The following MMP24 variants were observed in gnomAD, a reference collection of about 807,000 sequenced individuals.
MMP24 encodes matrix metallopeptidase 24.
MMP24 carries 25 observed loss-of-function variants against 62.8 expected under a neutral mutation model. The observed-to-expected ratio is 0.40, with a 90% CI of 0.29 to 0.56. The LOEUF is 0.56. Among genes scored for constraint, MMP24 ranks in the 20% least tolerant of loss-of-function variants. The pLI is 0.50. For missense variants in MMP24, 634 were observed against 853.6 expected (o/e 0.74, Z 3.21); for synonymous variants, 319 against 350.5 (o/e 0.91, Z 1.00).
intron 4 of MMP24, among the ~76,000 whole-genome samples, chr20:35,258,138 C>G (rs758810802): frequency 1.3e-5 from 2 of 152,158 alleles, no homozygotes; most frequent in Non-Finnish European, 2.9e-5. Flanking sequence ...CAATTATCAA[C>G]GTTGTGGCAT....
chr20:35,272,948 C>G (rs534376798), intron 8 of MMP24, among the ~76,000 whole-genome samples: 1 of 152,306 alleles, frequency 6.6e-6, no homozygotes, highest in South Asian at 2.1e-4. Context: ...TATATTTTAG[C>G]TGCTATCGTC....
At position 35,247,058 on chromosome 20, in the gene MMP24, C is replaced by T. The variant is rs1458372987; in HGVS notation, c.395+70C>T. On this transcript the variant is annotated intron_variant, in intron 2 of 8. Coordinates refer to ENST00000246186, the MANE Select transcript of MMP24 (RefSeq NM_006690.4). ...ACATTTGGGTTCACATTTGTCATGG[C>T]CTGTGTACACCCCATGCCCATCCTC... The T allele has an allele frequency of 4.5e-6, 7 of 1,540,108 alleles. No individual in the cohort carries two copies. The African/African-American group carries it at 6.8e-5, about 15-fold the overall frequency.
intron 1 of MMP24, among the ~76,000 whole-genome samples, chr20:35,239,558 C>T (rs997043140): frequency 3.9e-5 from 6 of 152,150 alleles, no homozygotes; most frequent in Non-Finnish European, 8.8e-5. Flanking sequence ...CTGTGGCTCA[C>T]GCCTGTAATC....
rs745414807 is a variant in MMP24 at position 35,274,096 on chromosome 20, G to A, written c.1601-176G>A. On this transcript the variant is annotated intron_variant, in intron 8 of 8. Transcript: ENST00000246186. This position sits in a 1 kb window ranked among gnomAD's most constrained non-coding sequence, Gnocchi z 5.1. ...TGACAGGCGGACCACTCCAGGTCCCGGGTGCCCCCCTCTGCAGCTTCTTAC... is the reference window on the plus strand; with the variant it reads ...TGACAGGCGGACCACTCCAGGTCCCAGGTGCCCCCCTCTGCAGCTTCTTAC... Among the ~76,000 whole-genome samples, 6 of 152,104 alleles carry A rather than the reference G, an allele frequency of 3.9e-5. No individual in the cohort carries two copies. The highest frequency in any genetic ancestry group is 2.1e-4 in the South Asian group (1 of 4,818).
At chr20:35,246,638 C>T (rs1488495768) in intron 1 of MMP24, among the ~76,000 whole-genome samples, 1 of 152,080 alleles carries the variant, frequency 6.6e-6, no homozygotes, top group African/African-American at 2.4e-5. Flanking sequence ...ATGTTTCTAG[C>T]AGGAGGGGAC....
chr20:35,235,971 C>T (rs2060460977), intron 1 of MMP24: 1 of 152,362 alleles, frequency 6.6e-6, no homozygotes, highest in African/African-American at 2.4e-5. Context: ...CCCAAAACCC[C>T]AAATGTGCCA....
chr20:35,235,437 T>C (rs2060458229), intron 1 of MMP24, among the ~76,000 whole-genome samples: 1 of 152,096 alleles, frequency 6.6e-6, no homozygotes, highest in African/African-American at 2.4e-5. Context: ...GGCTCACACT[T>C]GTAATCCCAG....
intron 1 of MMP24, among the ~76,000 whole-genome samples, chr20:35,242,514 A>G (rs993482277): frequency 1.3e-4 from 20 of 152,178 alleles, no homozygotes; most frequent in Non-Finnish European, 2.8e-4. Context: ...TGGGAGAAAG[A>G]CAAAAAGGGA....
rs774602303 is a variant in MMP24, at chr20:35,274,611, C to A, written c.*2C>A. On this transcript the variant is annotated 3_prime_UTR_variant, in exon 9 of 9. Coordinates refer to ENST00000246186, the MANE Select transcript of MMP24 (RefSeq NM_006690.4). The surrounding 1 kb of genome is among the most constrained non-coding windows in gnomAD (Gnocchi z 5.1). ...CGGCCAGTCCAGGAATGGGTGTGAG[C>A]AGCCCAGAGCCCTCTCTATCCACTT... 6 of 1,596,148 alleles carry A rather than the reference C, an allele frequency of 3.8e-6. No homozygotes were observed. Among genetic ancestry groups the A allele is most frequent in the Non-Finnish European group, 8.5e-7 (1 of 1,170,288 alleles).
rs368746640 is a variant in MMP24, at chr20:35,267,345, G to C, written c.1120G>C (p.Gly374Arg). 2.0e-5 allele frequency: 31 copies of C among 1,584,316 alleles called. No individual in the cohort carries two copies. The highest frequency in any genetic ancestry group is 2.7e-5 in the Non-Finnish European group (31 of 1,165,996). ...PPLGDRPSTP[G>R]TKPNICDGNF... Reference sequence around the variant, plus strand: ...CCTCGGGGACCGGCCATCCACACCAGGCACCAAACCCAACATCTGTGACGG... The same window carrying C: ...CCTCGGGGACCGGCCATCCACACCACGCACCAAACCCAACATCTGTGACGG... Residue 374 changes from glycine (G) to arginine (R), a missense_variant, in exon 6 of 9, where the codon GGC (glycine) becomes CGC (arginine). Coordinates refer to ENST00000246186, the MANE Select transcript of MMP24 (RefSeq NM_006690.4).
chr20:35,254,438 C>T lies in MMP24; in HGVS notation c.513-12C>T, dbSNP rs746256806. The T allele has an allele frequency of 4.4e-6, 7 of 1,606,802 alleles. No homozygotes were observed. Among genetic ancestry groups the T allele is most frequent in the Middle Eastern group, 1.7e-4 (1 of 6,018 alleles). On this transcript the variant is annotated splice_polypyrimidine_tract_variant and intron_variant, in intron 3 of 8. Transcript: ENST00000246186. ...TCTGATCTTGCCTAATGATCCTCCC[C>T]TCTCTCACCAGCATTCACAACTATA...
chr20:35,274,663 C>T lies in MMP24; in HGVS notation c.*54C>T. The T allele has an allele frequency of 6.9e-7, 1 of 1,448,574 alleles. No homozygotes were observed. Among genetic ancestry groups the T allele is most frequent in the Non-Finnish European group, 9.3e-7 (1 of 1,069,724 alleles). 89.7% of individuals were successfully genotyped at this position (1,448,574 alleles called of 1,614,324 possible). A position where few individuals can be genotyped will look rare whatever the true frequency, so the allele number is the denominator to read the frequency against. On this transcript the variant is annotated 3_prime_UTR_variant, in exon 9 of 9. Coordinates refer to ENST00000246186, the MANE Select transcript of MMP24 (RefSeq NM_006690.4). This position sits in a 1 kb window ranked among gnomAD's most constrained non-coding sequence, Gnocchi z 5.1. ...GTCTGGCCAGCCAGGCCCTTCCTCA[C>T]CAGGGTCTGAGGGGCAGCTCTGGCC...
At chr20:35,268,013 G>A (rs935924102) in intron 6 of MMP24, 1 of 152,876 alleles carries the variant, frequency 6.5e-6, no homozygotes, top group African/African-American at 2.4e-5. Flanking sequence ...TTCGATTAGA[G>A]AGTACTTTCA....
At chr20:35,255,751 C>T (rs1434792758) in intron 4 of MMP24, among the ~76,000 whole-genome samples, 30 of 152,188 alleles carry the variant, frequency 2.0e-4, no homozygotes, top group Admixed American at 1.9e-3. Flanking sequence ...CAACTACTGG[C>T]TATGTGATAC....
rs2060666738 is a variant in MMP24, at chr20:35,271,129, A to T, written c.1334-440A>T. On this transcript the variant is annotated intron_variant, in intron 7 of 8. Coordinates refer to ENST00000246186, the MANE Select transcript of MMP24 (RefSeq NM_006690.4). The surrounding 1 kb of genome is among the most constrained non-coding windows in gnomAD (Gnocchi z 4.0). ...ACTCCCTGTTGGGGACCTGGGAGGC[A>T]GAAGGTGATGAGGAGGGAGCCCCTC... Among the ~76,000 whole-genome samples, 1 of 152,186 alleles carries T rather than the reference A, an allele frequency of 6.6e-6. No individual in the cohort carries two copies.
chr20:35,231,388 C>T (rs80338614), intron 1 of MMP24, among the ~76,000 whole-genome samples: 1,661 of 152,244 alleles, frequency 0.011, 44 homozygotes, highest in African/African-American at 0.038. Flanking sequence ...GAAGCACCAA[C>T]GTATTCCCAA....
intron 1 of MMP24, among the ~76,000 whole-genome samples, chr20:35,229,054 G>A (rs2060426986): frequency 6.6e-6 from 1 of 152,066 alleles, no homozygotes; most frequent in South Asian, 2.1e-4. Context: ...CCTTTTCCTG[G>A]GTCAAAACTG....
chr20:35,244,680 T>C (rs1048257804), intron 1 of MMP24, among the ~76,000 whole-genome samples: 5 of 152,192 alleles, frequency 3.3e-5, no homozygotes, highest in East Asian at 1.9e-4. Flanking sequence ...CCTCAGGTGA[T>C]CCACCCACCT....
chr20:35,254,555 G>A lies in MMP24; in HGVS notation c.618G>A (p.Val206=). ...QKVTPLTFEE[V]PYHEIKSDRK... ...TGACCCCACTGACCTTTGAAGAGGT[G>A]CCATACCATGAGATCAAAAGTGACC... is the stretch of plus-strand genomic sequence containing the variant. The change falls in exon 4 of 9, where the codon GTG becomes GTA. Residue 206 remains valine (V), a synonymous_variant. Coordinates refer to ENST00000246186, the MANE Select transcript of MMP24 (RefSeq NM_006690.4). The A allele has an allele frequency of 6.2e-7, 1 of 1,614,034 alleles. No individual in the cohort carries two copies. Among genetic ancestry groups the A allele is most frequent in the Non-Finnish European group, 8.5e-7 (1 of 1,179,894 alleles).
Sources: allele counts gnomAD v4.1 joint callset (sites outside exome capture counted in the v4.1 genomes callset), GRCh38; gene constraint gnomAD v4.1.1; non-coding constraint Gnocchi (gnomAD v3.1); transcripts MANE v1.5; gene names NCBI Gene and HGNC (gene_info 2026-07-23, HGNC 2026-07-21).